Variants in AKAP12 observed in about 807,000 individuals in gnomAD.
AKAP12 encodes A-kinase anchor protein 12.
Under a neutral mutation model 79.9 loss-of-function variants are expected in AKAP12, and 32 were observed. The ratio of observed to expected loss-of-function variants is 0.40; its 90% CI spans 0.30 to 0.54. AKAP12 has a LOEUF of 0.54. Ranked by LOEUF, AKAP12 falls within the 20% of genes least tolerant of loss-of-function variation. The pLI, the probability that AKAP12 is intolerant of heterozygous loss-of-function variation, is 0.48. For missense variants in AKAP12, 2,074 were observed against 2,177.0 expected, an observed-to-expected ratio of 0.95 and a Z score of 0.94; for synonymous variants, 808 against 857.0, an observed-to-expected ratio of 0.94 and a Z score of 1.00.
chr6:151,353,723 G>T lies in AKAP12; in HGVS notation c.5332G>T (p.Glu1778Ter). 6.3e-7 allele frequency: 1 copy of T among 1,589,576 alleles called. No individual in the cohort carries two copies. Among genetic ancestry groups the T allele is most frequent in the Non-Finnish European group, 8.5e-7 (1 of 1,169,794 alleles). ...QKQERESAKS[E>*]LTES is the part of the protein sequence containing the mutation. ...ACAAGAGAGAGAATCTGCAAAGTCAGAACTTACAGAATCTTAAAACATCAT... is the reference window on the plus strand; with the variant it reads ...ACAAGAGAGAGAATCTGCAAAGTCATAACTTACAGAATCTTAAAACATCAT... The change falls in exon 4 of 5, where the codon GAA becomes TAA. Residue 1778 changes from glutamate to a stop codon, truncating the protein, a stop_gained. Coordinates refer to ENST00000402676, the MANE Select transcript of AKAP12 (RefSeq NM_005100.4). LOFTEE classifies it low-confidence loss of function (END_TRUNC).
chr6:151,247,804 A>G (rs1415750459), intron 2 of AKAP12, among the ~76,000 whole-genome samples: 4 of 152,194 alleles, frequency 2.6e-5, no homozygotes, highest in African/African-American at 9.6e-5. Context: ...TGGATGGTAT[A>G]CATGGATTTT....
At chr6:151,258,335 T>C (rs1411321975) in intron 2 of AKAP12, among the ~76,000 whole-genome samples, 2 of 152,102 alleles carry the variant, frequency 1.3e-5, no homozygotes, top group African/African-American at 4.8e-5. Context: ...GAGGGAAAAA[T>C]CCCCAAAGCT....
In AKAP12 at chr6:151,240,636, C is replaced by G. The variant is rs994805036; in HGVS notation, c.74C>G (p.Pro25Arg). 1 of 1,357,664 alleles carries G rather than the reference C, an allele frequency of 7.4e-7. No homozygotes were observed. Among genetic ancestry groups the G allele is most frequent in the African/African-American group, 1.5e-5 (1 of 65,416 alleles). The allele number at this position is 1,357,664 out of a possible 1,614,324, so 84.1% of individuals were successfully genotyped here. A position where few individuals can be genotyped will look rare whatever the true frequency, so the allele number is the denominator to read the frequency against. Reference sequence around the variant, plus strand: ...GAGGGGAGCTCCACGCCGGCTGAGCCCGAGCCCAGCGGCGGCGGCCCCTCG... The same window carrying G: ...GAGGGGAGCTCCACGCCGGCTGAGCGCGAGCCCAGCGGCGGCGGCCCCTCG... The part of the protein sequence containing the change: ...PPEGSSTPAE[P>R]EPSGGGPSAE... The change falls in exon 2 of 5, where the codon CCC becomes CGC. Residue 25 changes from proline to arginine, a missense_variant. Around this residue, in one of 3 missense-constraint regions of AKAP12, gnomAD observed 1,428 missense variants for 1,451.0 expected, o/e 0.98. Transcript: ENST00000402676.
In AKAP12 at chr6:151,305,183, T is replaced by TC. The variant is rs529232651; in HGVS notation, c.163-564_163-563insC. Reference sequence around the variant, plus strand: ...CAGTCAGGGCTGTTTTTTTTTTTTTTTTTAAAACCTACTTGATTCATTCTC... The same window carrying TC: ...CAGTCAGGGCTGTTTTTTTTTTTTTTCTTTAAAACCTACTTGATTCATTCTC... On this transcript the variant is annotated intron_variant, in intron 2 of 4. Coordinates refer to ENST00000402676, the MANE Select transcript of AKAP12 (RefSeq NM_005100.4). Among the ~76,000 whole-genome samples the TC allele has an allele frequency of 4.0e-3, 605 of 152,024 alleles. 3 individuals are homozygous for TC. The highest frequency in any genetic ancestry group is 0.014 in the African/African-American group (581 of 41,486).
At chr6:151,346,420 T>C (rs1302316322) in intron 3 of AKAP12, among the ~76,000 whole-genome samples, 1 of 152,258 alleles carries the variant, frequency 6.6e-6, no homozygotes, top group African/African-American at 2.4e-5. Flanking sequence ...TTTGTGTTTC[T>C]GCTGGATTTT....
intron 2 of AKAP12, among the ~76,000 whole-genome samples, chr6:151,300,027 A>G (rs2114748418): frequency 6.6e-6 from 1 of 152,226 alleles, no homozygotes; most frequent in East Asian, 1.9e-4. Context: ...TTAAAATTCT[A>G]TCCCTATTTC....
Position 151,292,060 on chromosome 6 carries a change from C to T in AKAP12, c.163-13687C>T, listed in dbSNP as rs192920398. On this transcript the variant is annotated intron_variant, in intron 2 of 4. Transcript: ENST00000402676. ...CCATTTGCTAATTCCCATAGATGCT[C>T]GTCAGCAAACACAGGACAGTTGTTT... is the stretch of plus-strand genomic sequence containing the variant. Among the ~76,000 whole-genome samples, 16 of 152,320 alleles carry T rather than the reference C, an allele frequency of 1.1e-4. No homozygotes were observed. The East Asian group carries it at 1.5e-3, about 15-fold the overall frequency.
chr6:151,353,889 A>T lies in AKAP12; in HGVS notation c.*12+137A>T, dbSNP rs180675150. On this transcript the variant is annotated intron_variant, in intron 4 of 4. Coordinates refer to ENST00000402676, the MANE Select transcript of AKAP12 (RefSeq NM_005100.4). ...GTTGAGGAAAATAACTATCAACTAG[A>T]TTCAAAGATCTAGGATAGTTTCATG... is the stretch of plus-strand genomic sequence containing the variant. 371 of 619,228 alleles carry T rather than the reference A, an allele frequency of 6.0e-4. 2 individuals are homozygous for T. Among genetic ancestry groups the T allele is most frequent in the East Asian group, 5.0e-3 (180 of 36,026 alleles). The allele number at this position is 619,228 out of a possible 1,614,324, so 38.4% of individuals were successfully genotyped here.
intron 3 of AKAP12, chr6:151,325,561 C>G: frequency 1.3e-5 from 17 of 1,281,836 alleles, no homozygotes; most frequent in Non-Finnish European, 1.7e-5. Flanking sequence ...TTTGCGCTCC[C>G]GAAGTCCTGG....
Position 151,336,512 on chromosome 6 carries a change from A to G in AKAP12, c.320-12199A>G, listed in dbSNP as rs1049388732. 7.9e-5 allele frequency among the ~76,000 whole-genome samples: 12 copies of G among 152,318 alleles called. No individual in the cohort carries two copies. In the South Asian group the frequency reaches 1.9e-3, roughly 24 times the overall value. On this transcript the variant is annotated intron_variant, in intron 3 of 4. Transcript: ENST00000402676. ...ATAATCCCAGCACTTTGGGAGGCTG[A>G]GGCAGGTGGATCACCTGAAGTCAGC... is the stretch of plus-strand genomic sequence containing the variant.
intron 3 of AKAP12, among the ~76,000 whole-genome samples, chr6:151,323,167 A>G (rs779039837): frequency 6.6e-6 from 1 of 152,224 alleles, no homozygotes; most frequent in Non-Finnish European, 1.5e-5. Flanking sequence ...TCTTAGAGGT[A>G]GAGATCAAAG....
chr6:151,242,150 A>G (rs1796990918), intron 2 of AKAP12, among the ~76,000 whole-genome samples: 1 of 152,166 alleles, frequency 6.6e-6, no homozygotes, highest in South Asian at 2.1e-4. Flanking sequence ...CTCTGTAACC[A>G]GTGGTCAGAG....
chr6:151,322,397 T>C (rs1777419185), intron 3 of AKAP12, among the ~76,000 whole-genome samples: 1 of 152,216 alleles, frequency 6.6e-6, no homozygotes, highest in South Asian at 2.1e-4. Context: ...ACAAAGTCTT[T>C]AACATGTCAT....
intron 2 of AKAP12, among the ~76,000 whole-genome samples, chr6:151,268,217 A>AGCCT (rs1298845708): frequency 1.3e-5 from 2 of 152,210 alleles, no homozygotes; most frequent in African/African-American, 2.4e-5. Flanking sequence ...GTTCGAGACC[A>AGCCT]GCCTGACCAA....
intron 2 of AKAP12, among the ~76,000 whole-genome samples, chr6:151,295,123 C>T (rs944118861): frequency 3.3e-5 from 5 of 152,134 alleles, no homozygotes; most frequent in African/African-American, 7.2e-5. Flanking sequence ...TGATAAATGC[C>T]GATCTTTGAG....
At chr6:151,353,858 C>T (rs1208919662) in intron 4 of AKAP12, 106 bp downstream of exon 4, 2 of 720,380 alleles carry the variant, frequency 2.8e-6, no homozygotes, top group South Asian at 2.3e-5. Flanking sequence ...TCGTGTAGAA[C>T]CTTCAGTTGA....
At chr6:151,316,152 G>T (rs144557113) in intron 3 of AKAP12, among the ~76,000 whole-genome samples, 2 of 152,322 alleles carry the variant, frequency 1.3e-5, no homozygotes, top group Non-Finnish European at 2.9e-5. Flanking sequence ...TGTTAATCAA[G>T]ATTTATTCCT....
intron 2 of AKAP12, among the ~76,000 whole-genome samples, chr6:151,255,546 C>T (rs796722777): frequency 7.2e-5 from 11 of 152,034 alleles, no homozygotes; most frequent in African/African-American, 2.7e-4. Context: ...GCCTGTAATC[C>T]CAGTGCTTTG....
intron 3 of AKAP12, among the ~76,000 whole-genome samples, chr6:151,323,564 A>G (rs917414207): frequency 2.0e-5 from 3 of 152,096 alleles, no homozygotes; most frequent in African/African-American, 7.3e-5. Flanking sequence ...AAAAAAAAAA[A>G]AAATCAAATC....
Sources: gnomAD v4.1 joint callset for allele counts (sites outside exome capture counted in the v4.1 genomes callset) on GRCh38, gnomAD v4.1.1 for gene constraint, gnomAD v4.1.1 regional missense constraint, MANE v1.5 for transcripts, NCBI Gene and HGNC (gene_info 2026-07-23, HGNC 2026-07-21) for gene names.